RBPJ: variants seen among roughly 807,000 people sequenced by gnomAD.
The protein encoded by RBPJ is recombining binding protein suppressor of hairless.
RBPJ carries 9 observed loss-of-function variants against 67.8 expected under a neutral mutation model. That is an observed-to-expected ratio of 0.13 (90% CI 0.08 to 0.23). RBPJ has a LOEUF of 0.23. Among genes scored for constraint, RBPJ ranks in the 10% least tolerant of loss-of-function variants. RBPJ has a pLI of 1.00. For missense variants in RBPJ, 305 were observed against 595.6 expected (o/e 0.51, Z 5.08); for synonymous variants, 198 against 203.3 (o/e 0.97, Z 0.22).
chr4:26,254,884 G>T (rs1720244237), intron 1 of RBPJ, among the ~76,000 whole-genome samples: 1 of 53,840 alleles, frequency 1.9e-5, no homozygotes, highest in Non-Finnish European at 3.6e-5. Flanking sequence ...TTTTTTTGCA[G>T]AGACAAGGTT....
chr4:26,428,517 A>G (rs1231626888), intron 7 of RBPJ: 7 of 482,524 alleles, frequency 1.5e-5, no homozygotes, highest in Non-Finnish European at 2.2e-5. Context: ...AACAGTTTCT[A>G]CATTCTGACA....
At chr4:26,373,649 A>G (rs1729392580) in intron 1 of RBPJ, among the ~76,000 whole-genome samples, 1 of 152,184 alleles carries the variant, frequency 6.6e-6, no homozygotes, top group Admixed American at 6.5e-5. Flanking sequence ...TTCTTTTTCA[A>G]TTTAGAAAAA....
At chr4:26,193,969 A>G (rs1717661763) in intron 1 of RBPJ, among the ~76,000 whole-genome samples, 2 of 152,058 alleles carry the variant, frequency 1.3e-5, no homozygotes, top group African/African-American at 4.8e-5. Flanking sequence ...TCCCTCACAC[A>G]TCTTGCTTCC....
At chr4:26,310,364 G>T (rs1722387969) in intron 1 of RBPJ, among the ~76,000 whole-genome samples, 1 of 152,080 alleles carries the variant, frequency 6.6e-6, no homozygotes, top group African/African-American at 2.4e-5. Flanking sequence ...CCATAAAGAT[G>T]AACAAAAAAA....
chr4:26,223,757 G>A (rs1718991917), intron 1 of RBPJ, among the ~76,000 whole-genome samples: 1 of 152,212 alleles, frequency 6.6e-6, no homozygotes, highest in Non-Finnish European at 1.5e-5. Flanking sequence ...GATAGACAGA[G>A]TGGCAGTCAG....
chr4:26,390,048 T>C (rs2109656153), intron 2 of RBPJ, among the ~76,000 whole-genome samples: 1 of 152,294 alleles, frequency 6.6e-6, no homozygotes, highest in East Asian at 1.9e-4. Flanking sequence ...TCTTAACAAA[T>C]TTTCAAATGG....
At chr4:26,127,485 G>GA in the RBPJ span, among the ~76,000 whole-genome samples, 1 of 152,102 alleles carries the variant, frequency 6.6e-6, no homozygotes, top group Non-Finnish European at 1.5e-5. Flanking sequence ...AGAGCTGGAG[G>GA]AAAATCTTTT....
At chr4:26,201,743 G>C (rs914627141) in intron 1 of RBPJ, among the ~76,000 whole-genome samples, 2 of 152,186 alleles carry the variant, frequency 1.3e-5, no homozygotes, top group African/African-American at 4.8e-5. Context: ...TCTAAACCAA[G>C]TTACACCTAC....
rs184625724 is a variant in RBPJ, at chr4:26,281,259, C to T, written c.-166-81187C>T. On this transcript the variant is annotated intron_variant, in intron 1 of 4. Transcript: ENST00000512351. ...GTATTTTAGGATACTGTTTGAGAAT[C>T]CCTCTGCAGTTTTTTTGTTTGTTTG... Among the ~76,000 whole-genome samples, 722 of 152,076 alleles carry T rather than the reference C, an allele frequency of 4.7e-3. 2 individuals carry two copies. Among genetic ancestry groups the T allele is most frequent in the African/African-American group, 0.011 (455 of 41,490 alleles).
chr4:26,359,214 C>T (rs931810191), intron 1 of RBPJ, among the ~76,000 whole-genome samples: 2 of 152,138 alleles, frequency 1.3e-5, no homozygotes, highest in African/African-American at 4.8e-5. Flanking sequence ...TATAAATAGA[C>T]ATACAAAAAT....
At chr4:26,320,376 C>T (rs1403321639), upstream of RBPJ, among the ~76,000 whole-genome samples, 4 of 152,148 alleles carry the variant, frequency 2.6e-5, no homozygotes, top group African/African-American at 9.7e-5. Context: ...CTGGAAGGGC[C>T]TCCTCATTAG....
chr4:26,199,173 C>T (rs553506011), intron 1 of RBPJ, among the ~76,000 whole-genome samples: 2 of 152,256 alleles, frequency 1.3e-5, no homozygotes, highest in Admixed American at 1.3e-4. Flanking sequence ...TGGCCGGACA[C>T]GGTGGCTCAT....
chr4:26,366,259 T>C (rs952839928), intron 1 of RBPJ, among the ~76,000 whole-genome samples: 2 of 152,040 alleles, frequency 1.3e-5, no homozygotes, highest in African/African-American at 4.8e-5. Context: ...AGACAAATAT[T>C]ACCAGATCAG....
intron 1 of RBPJ, among the ~76,000 whole-genome samples, chr4:26,305,776 T>C (rs10018503): frequency 5.2e-4 from 67 of 128,094 alleles, no homozygotes; most frequent in African/African-American, 2.1e-3. Flanking sequence ...CTTTTCTTTT[T>C]TTTTTTTTTT....
At chr4:26,412,876 A>G (rs1255133257) in intron 3 of RBPJ, 1 of 152,190 alleles carries the variant, frequency 6.6e-6, no homozygotes, top group African/African-American at 2.4e-5. Flanking sequence ...GTAGACTTGA[A>G]CTGAACCCAC....
At chr4:26,106,128 T>C in the RBPJ span, among the ~76,000 whole-genome samples, 2 of 152,246 alleles carry the variant, frequency 1.3e-5, no homozygotes, top group Non-Finnish European at 2.9e-5. Flanking sequence ...GAAGAGCCAC[T>C]GAAGAGCAGA....
chr4:26,312,558 G>T (rs1353699712), intron 1 of RBPJ, among the ~76,000 whole-genome samples: 1 of 152,140 alleles, frequency 6.6e-6, no homozygotes, highest in East Asian at 1.9e-4. Context: ...GCTGTTTCCT[G>T]TGCTTGTCAT....
At chr4:26,166,636 A>C (rs1716315250) in intron 1 of RBPJ, among the ~76,000 whole-genome samples, 7 of 152,012 alleles carry the variant, frequency 4.6e-5, no homozygotes, top group Admixed American at 4.6e-4. Context: ...TCAGATGAGT[A>C]GGTTGCGAAA....
intron 3 of RBPJ, among the ~76,000 whole-genome samples, chr4:26,408,075 A>G (rs188727070): frequency 1.3e-5 from 2 of 151,622 alleles, no homozygotes; most frequent in South Asian, 2.1e-4. Flanking sequence ...GGGTTTCACT[A>G]TGCCGTCCAG....
Sources: allele counts gnomAD v4.1 joint callset (sites outside exome capture counted in the v4.1 genomes callset), GRCh38; gene constraint gnomAD v4.1.1; transcripts MANE v1.5; gene names NCBI Gene and HGNC (gene_info 2026-07-23, HGNC 2026-07-21).